Variants in TMEM132D observed in about 807,000 individuals in gnomAD.
The protein encoded by TMEM132D is transmembrane protein 132D.
A neutral mutation model predicts 62.3 loss-of-function variants in TMEM132D; 21 were observed. The ratio of observed to expected loss-of-function variants is 0.34; its 90% CI spans 0.24 to 0.49. The LOEUF (loss-of-function observed/expected upper bound fraction) is 0.49. TMEM132D is among the 20% of genes least tolerant of loss of function. TMEM132D has a pLI of 0.99. For missense variants in TMEM132D, 1,346 were observed against 1,402.8 expected, an observed-to-expected ratio of 0.96 and a Z score of 0.65; for synonymous variants, 621 against 575.6, an observed-to-expected ratio of 1.08 and a Z score of -1.13.
chr12:129,546,309 T>G (rs546779807), intron 2 of TMEM132D, among the ~76,000 whole-genome samples: 42 of 152,330 alleles, frequency 2.8e-4, no homozygotes, highest in African/African-American at 9.4e-4. Flanking sequence ...AATAACAACT[T>G]TGATTCATTC....
intron 3 of TMEM132D, among the ~76,000 whole-genome samples, chr12:129,495,013 C>T (rs556610549): frequency 1.1e-4 from 17 of 152,192 alleles, no homozygotes; most frequent in African/African-American, 3.9e-4. Flanking sequence ...GAGGGAAGCC[C>T]GGTGAGTTAG....
At chr12:129,662,452 CT>C (rs943740112) in intron 2 of TMEM132D, among the ~76,000 whole-genome samples, 1 of 152,082 alleles carries the variant, frequency 6.6e-6, no homozygotes, top group Admixed American at 6.6e-5. Flanking sequence ...ATAATCCTGG[CT>C]TTTTTTGGCC....
chr12:129,605,604 T>TACACACAC (rs1555221323), intron 2 of TMEM132D, among the ~76,000 whole-genome samples: 28 of 106,220 alleles, frequency 2.6e-4, no homozygotes, highest in Non-Finnish European at 4.0e-4. Context: ...TATATATATA[T>TACACACAC]ACACACACAT....
chr12:129,598,112 T>C (rs1878388116), intron 2 of TMEM132D, among the ~76,000 whole-genome samples: 1 of 152,226 alleles, frequency 6.6e-6, no homozygotes, highest in Admixed American at 6.5e-5. Flanking sequence ...TGTACACATT[T>C]GGAAGGTGTA....
Position 129,350,669 on chromosome 12 carries a change from G to A in TMEM132D, c.1116-12852C>T, listed in dbSNP as rs545498383. 7.9e-5 allele frequency among the ~76,000 whole-genome samples: 12 copies of A among 152,352 alleles called. No homozygotes were observed. The South Asian group carries it at 2.5e-3, about 32-fold the overall frequency. On this transcript the variant is annotated intron_variant, in intron 3 of 8. Coordinates refer to ENST00000422113, the MANE Select transcript of TMEM132D (RefSeq NM_133448.3). Reference sequence around the variant, plus strand: ...CATAATCAGACAAACTGTTGGGTATGTGGAGAATTGCCACTTTCCTCCACT... The same window carrying A: ...CATAATCAGACAAACTGTTGGGTATATGGAGAATTGCCACTTTCCTCCACT...
At chr12:129,294,400 G>A (rs894895451) in intron 4 of TMEM132D, among the ~76,000 whole-genome samples, 3 of 152,172 alleles carry the variant, frequency 2.0e-5, no homozygotes, top group Non-Finnish European at 4.4e-5. Context: ...AACAAGGAAG[G>A]TAGCCTGGGG....
At chr12:129,747,320 C>A (rs547737447) in intron 1 of TMEM132D, among the ~76,000 whole-genome samples, 1 of 152,082 alleles carries the variant, frequency 6.6e-6, no homozygotes, top group Non-Finnish European at 1.5e-5. Context: ...GTCCACATAG[C>A]TCATTCTAAA....
At chr12:129,660,685 G>T (rs1171023934) in intron 2 of TMEM132D, among the ~76,000 whole-genome samples, 1 of 152,136 alleles carries the variant, frequency 6.6e-6, no homozygotes, top group East Asian at 1.9e-4. Flanking sequence ...TGTGCGGGGG[G>T]TACAGGAGCT....
intron 1 of TMEM132D, among the ~76,000 whole-genome samples, chr12:129,822,462 A>T (rs933139442): frequency 1.3e-5 from 2 of 152,190 alleles, no homozygotes; most frequent in Non-Finnish European, 2.9e-5. Context: ...CACAGGACGC[A>T]CTTAACTTCT....
At chr12:129,362,948 T>G (rs371506139) in intron 3 of TMEM132D, among the ~76,000 whole-genome samples, 3 of 152,238 alleles carry the variant, frequency 2.0e-5, no homozygotes, top group Non-Finnish European at 4.4e-5. Context: ...CAATTGCACA[T>G]GGTACAGCAT....
intron 3 of TMEM132D, among the ~76,000 whole-genome samples, chr12:129,343,271 T>C (rs1023255406): frequency 3.3e-5 from 5 of 152,170 alleles, no homozygotes; most frequent in African/African-American, 1.2e-4. Flanking sequence ...TTCATGTCCT[T>C]TGTAGGGACA....
chr12:129,463,486 TATTATA>T (rs1873758481), intron 3 of TMEM132D, among the ~76,000 whole-genome samples: 1 of 150,556 alleles, frequency 6.6e-6, no homozygotes, highest in African/African-American at 2.4e-5. Flanking sequence ...TTATTATTAT[TATTATA>T]CTTTAAGTTT....
At position 129,450,505 on chromosome 12, in the gene TMEM132D, T is replaced by C. The variant is rs57395914; in HGVS notation, c.1115+80554A>G. On this transcript the variant is annotated intron_variant, in intron 3 of 8. Transcript: ENST00000422113. ...GCTTGGATTTCATAGTCTAATCCCA[T>C]GTAAGTGAAGAGGCTACATGAAATT... Among the ~76,000 whole-genome samples the C allele has an allele frequency of 1.0e-2, 1,518 of 152,238 alleles. 35 individuals are homozygous for C. The highest frequency in any genetic ancestry group is 0.034 in the African/African-American group (1,431 of 41,538).
intron 1 of TMEM132D, among the ~76,000 whole-genome samples, chr12:129,719,380 T>C (rs1277059262): frequency 6.6e-6 from 1 of 152,218 alleles, no homozygotes; most frequent in East Asian, 1.9e-4. Flanking sequence ...ATACATTTCC[T>C]TGAATGGAAA....
chr12:129,622,081 C>T (rs1225081533), intron 2 of TMEM132D, among the ~76,000 whole-genome samples: 1 of 152,126 alleles, frequency 6.6e-6, no homozygotes, highest in Non-Finnish European at 1.5e-5. Flanking sequence ...TCAGTAGGTA[C>T]GTGGGGGAAC....
At chr12:129,087,645 C>T (rs1197836903) in intron 5 of TMEM132D, among the ~76,000 whole-genome samples, 1 of 152,108 alleles carries the variant, frequency 6.6e-6, no homozygotes, top group Non-Finnish European at 1.5e-5. Context: ...GCAGATTCCC[C>T]ACTAGAGCCT....
intron 3 of TMEM132D, among the ~76,000 whole-genome samples, chr12:129,425,260 A>T (rs542441907): frequency 1.3e-5 from 2 of 152,302 alleles, no homozygotes; most frequent in African/African-American, 4.8e-5. Flanking sequence ...TGTTGTGCAG[A>T]TATCTAGCAC....
intron 1 of TMEM132D, among the ~76,000 whole-genome samples, chr12:129,884,035 G>A (rs1032174053): frequency 2.6e-5 from 4 of 152,236 alleles, no homozygotes; most frequent in East Asian, 1.9e-4. Flanking sequence ...GAGCTAAAGC[G>A]ATCCTCCCAC....
chr12:129,473,867 TAGTA>T (rs1323437206), intron 3 of TMEM132D, among the ~76,000 whole-genome samples: 1 of 152,200 alleles, frequency 6.6e-6, no homozygotes, highest in Admixed American at 6.5e-5. Context: ...ACCTGGTACA[TAGTA>T]GATGCTCAAC....
Sources: gnomAD v4.1 joint callset for allele counts (sites outside exome capture counted in the v4.1 genomes callset) on GRCh38, gnomAD v4.1.1 for gene constraint, MANE v1.5 for transcripts, NCBI Gene and HGNC (gene_info 2026-07-23, HGNC 2026-07-21) for gene names.